Variants in PFKFB1 observed in about 807,000 individuals in gnomAD.
The protein encoded by PFKFB1 is 6-phosphofructo-2-kinase/fructose-2,6-bisphosphatase 1.
A neutral mutation model predicts 46.4 loss-of-function variants in PFKFB1; 34 were observed. That is an observed-to-expected ratio of 0.73 (90% CI 0.56 to 0.98). The LOEUF (loss-of-function observed/expected upper bound fraction) is 0.98. Among genes scored for constraint, PFKFB1 ranks in the 50% least tolerant of loss-of-function variants. The probability of loss-of-function intolerance (pLI) is 0.00; values close to 1 mark genes in which losing one functional copy is unlikely to be tolerated. For missense variants in PFKFB1, 393 were observed against 376.3 expected (o/e 1.04, Z -0.37); for synonymous variants, 119 against 133.8 (o/e 0.89, Z 0.76).
chrX:54,958,797 TG>T (rs2146631286), intron 5 of PFKFB1, 53 bp downstream of exon 5: 1 of 849,073 alleles, frequency 1.2e-6, no homozygotes, highest in East Asian at 3.2e-5. Context: ...TGCCTTTCTT[TG>T]GGGTTTGTGC....
chrX:54,993,888 C>A (rs941815172), intron 1 of PFKFB1, 23 bp downstream of exon 1: 1 of 1,192,749 alleles, frequency 8.4e-7, no homozygotes, highest in Non-Finnish European at 1.1e-6. Flanking sequence ...ACCTTTAAAC[C>A]CACGGAAGCA....
At chrX:54,963,820 C>T (rs1463785985) in intron 1 of PFKFB1, among the ~76,000 whole-genome samples, 2 of 112,449 alleles carry the variant, frequency 1.8e-5, no homozygotes, top group Non-Finnish European at 3.8e-5. Flanking sequence ...TGAGAAGAAT[C>T]CTGAGAAAGA....
upstream of PFKFB1, among the ~76,000 whole-genome samples, chrX:54,996,748 A>C (rs1291678923): frequency 9.0e-6 from 1 of 111,488 alleles, no homozygotes; most frequent in Non-Finnish European, 1.9e-5. Context: ...TGGCTGACTC[A>C]CTGGGCCCCA....
At chrX:54,993,617 A>C (rs1184784052) in intron 1 of PFKFB1, among the ~76,000 whole-genome samples, 1 of 112,303 alleles carries the variant, frequency 8.9e-6, no homozygotes, top group Non-Finnish European at 1.9e-5. Flanking sequence ...TTAAATTCCA[A>C]ACAAGAAGCA....
intron 1 of PFKFB1, among the ~76,000 whole-genome samples, chrX:54,966,954 T>C (rs1188964229): frequency 1.8e-5 from 2 of 111,799 alleles, no homozygotes; most frequent in African/African-American, 6.5e-5. Flanking sequence ...TTCATTAGCA[T>C]ACCAAAGATT....
intron 1 of PFKFB1, among the ~76,000 whole-genome samples, chrX:54,973,863 A>G (rs1002364592): frequency 2.2e-4 from 25 of 111,402 alleles, no homozygotes; most frequent in African/African-American, 8.2e-4. Context: ...ATCAAAGTTA[A>G]AAAAAATTTA....
intron 7 of PFKFB1, among the ~76,000 whole-genome samples, chrX:54,955,790 A>G (rs1031925102): frequency 8.9e-6 from 1 of 112,289 alleles, no homozygotes; most frequent in African/African-American, 3.2e-5. Flanking sequence ...CCTTTACAGG[A>G]GTCCTAGAGG....
chrX:54,968,501 A>T (rs1934542657), intron 1 of PFKFB1, among the ~76,000 whole-genome samples: 1 of 111,199 alleles, frequency 9.0e-6, no homozygotes, highest in Non-Finnish European at 1.9e-5. Context: ...GATATTTTGG[A>T]CTAAAAATAT....
At chrX:54,972,793 A>G (rs1231508833) in intron 1 of PFKFB1, among the ~76,000 whole-genome samples, 2 of 111,358 alleles carry the variant, frequency 1.8e-5, no homozygotes, top group Non-Finnish European at 3.8e-5. Context: ...ATTGATCTAA[A>G]ATTCTCTTTT....
At chrX:54,988,261 A>C (rs984845259) in intron 1 of PFKFB1, among the ~76,000 whole-genome samples, 1 of 111,786 alleles carries the variant, frequency 8.9e-6, no homozygotes, top group Admixed American at 9.5e-5. Flanking sequence ...AAACAATAAA[A>C]TGCTTAAAAG....
intron 10 of PFKFB1, among the ~76,000 whole-genome samples, chrX:54,944,756 A>T (rs989507277): frequency 2.7e-5 from 3 of 112,345 alleles, no homozygotes; most frequent in African/African-American, 9.7e-5. Context: ...AGGGCAAATT[A>T]AGATGAATTT....
In PFKFB1 at chrX:54,978,563, C is replaced by G. The variant is rs1489003763; in HGVS notation, c.98-15181G>C. 5.4e-5 allele frequency among the ~76,000 whole-genome samples: 6 copies of G among 111,697 alleles called. No homozygotes were observed. The East Asian group carries it at 1.7e-3, about 31-fold the overall frequency. On this transcript the variant is annotated intron_variant, in intron 1 of 13. Transcript: ENST00000375006. ...AATTTCCACAAATTAGTTGATACTT[C>G]TCCCTCTAGGGGGTGGCATTTAATT...
rs1183051246 is a variant in PFKFB1 at position 54,959,815 on chromosome X, A to G, written c.384+12T>C. 5 of 1,182,221 alleles carry G rather than the reference A, an allele frequency of 4.2e-6. No individual in the cohort carries two copies. The highest frequency in any genetic ancestry group is 5.7e-6 in the Non-Finnish European group (5 of 870,423). On this transcript the variant is annotated intron_variant, in intron 4 of 13. Coordinates refer to ENST00000375006, the MANE Select transcript of PFKFB1 (RefSeq NM_002625.4). Reference sequence around the variant, plus strand: ...AGTAGTTACCCAAGGAAAAAATAAAAAATTTCTTTACCGCAACATGACCTT... The same window carrying G: ...AGTAGTTACCCAAGGAAAAAATAAAGAATTTCTTTACCGCAACATGACCTT...
chrX:54,956,004 T>A, intron 7 of PFKFB1, 149 bp downstream of exon 7: 1 of 442,346 alleles, frequency 2.3e-6, no homozygotes, highest in Non-Finnish European at 3.9e-6. Flanking sequence ...GCTGAAAGGA[T>A]CCTTGAAGAA....
At chrX:54,946,456 T>C (rs1409693682) in intron 9 of PFKFB1, among the ~76,000 whole-genome samples, 1 of 111,611 alleles carries the variant, frequency 9.0e-6, no homozygotes, top group Non-Finnish European at 1.9e-5. Context: ...TGGATTCCAA[T>C]TAAATCTCCC....
upstream of PFKFB1, chrX:54,998,371 C>A: frequency 1.8e-6 from 2 of 1,120,933 alleles, no homozygotes; most frequent in South Asian, 3.9e-5. Context: ...TGGATTTGTG[C>A]AACTCCTGCC....
chrX:54,985,540 CA>C (rs1935092040), intron 1 of PFKFB1, among the ~76,000 whole-genome samples: 1 of 110,373 alleles, frequency 9.1e-6, no homozygotes, highest in African/African-American at 3.3e-5. Flanking sequence ...AGCCAAGTCA[CA>C]AAGCAAAGAG....
At chrX:54,981,152 A>G (rs1934976451) in intron 1 of PFKFB1, among the ~76,000 whole-genome samples, 1 of 111,353 alleles carries the variant, frequency 9.0e-6, no homozygotes, top group African/African-American at 3.3e-5. Context: ...CTAGAATGAT[A>G]AAGTCTACCA....
intron 7 of PFKFB1, among the ~76,000 whole-genome samples, chrX:54,953,114 C>T (rs1398492873): frequency 8.9e-6 from 1 of 112,140 alleles, no homozygotes; most frequent in Non-Finnish European, 1.9e-5. Flanking sequence ...GAGGCCTACG[C>T]TGTACCAGGC....
Sources: allele counts gnomAD v4.1 joint callset (sites outside exome capture counted in the v4.1 genomes callset), GRCh38; gene constraint gnomAD v4.1.1; transcripts MANE v1.5; gene names NCBI Gene and HGNC (gene_info 2026-07-23, HGNC 2026-07-21).